RBFOX1: variants seen among roughly 807,000 people sequenced by gnomAD.
The protein encoded by RBFOX1 is RNA binding protein fox-1 homolog 1.
Under a neutral mutation model 57.7 loss-of-function variants are expected in RBFOX1, and 8 were observed. The observed-to-expected ratio is 0.14, with a 90% CI of 0.08 to 0.25. The LOEUF is 0.25. Among genes scored for constraint, RBFOX1 ranks in the 10% least tolerant of loss-of-function variants. The pLI is 1.00. For missense variants in RBFOX1, 611 were observed against 548.5 expected, an observed-to-expected ratio of 1.11 and a Z score of -1.14; for synonymous variants, 326 against 222.4, an observed-to-expected ratio of 1.47 and a Z score of -4.15.
intron 4 of RBFOX1, among the ~76,000 whole-genome samples, chr16:7,413,999 C>T (rs2098455682): frequency 6.6e-6 from 1 of 152,198 alleles, no homozygotes; most frequent in African/African-American, 2.4e-5. Context: ...CTATCATCAC[C>T]TCCTGCAGAG....
rs143262849 is a variant in RBFOX1 at position 6,957,395 on chromosome 16, C to G, written c.-15-94662C>G. Among the ~76,000 whole-genome samples, 329 of 147,396 alleles carry G rather than the reference C, an allele frequency of 2.2e-3. 2 individuals are homozygous for G. The highest frequency in any genetic ancestry group is 8.5e-3 in the African/African-American group (315 of 37,020). ...ATCTGCCTCCCAATGTGCTGCGACT[C>G]ACGCTCAGCCGGTTATTTCTTCATG... On this transcript the variant is annotated intron_variant, in intron 3 of 15. Coordinates refer to ENST00000550418, the MANE Select transcript of RBFOX1 (RefSeq NM_018723.4).
intron 3 of RBFOX1, among the ~76,000 whole-genome samples, chr16:6,966,869 A>G (rs1337424474): frequency 1.3e-5 from 2 of 149,216 alleles, no homozygotes; most frequent in Non-Finnish European, 3.0e-5. Context: ...ACATCCATCT[A>G]TCCATGTATC....
At position 6,040,406 on chromosome 16, in the gene RBFOX1, T is replaced by C. The variant is rs542199487; in HGVS notation, c.-127+20414T>C. The stretch of plus-strand genomic sequence containing the variant: ...CTGGCAACCAACATTCTACTTTCTG[T>C]GTTTATGATTTTAACTACTCTTAAG... On this transcript the variant is annotated intron_variant, in intron 1 of 15. Coordinates refer to ENST00000550418, the MANE Select transcript of RBFOX1 (RefSeq NM_018723.4). 5.3e-5 allele frequency among the ~76,000 whole-genome samples: 8 copies of C among 152,304 alleles called. No homozygotes were observed. In the South Asian group the frequency reaches 1.0e-3, roughly 20 times the overall value.
intron 3 of RBFOX1, among the ~76,000 whole-genome samples, chr16:5,867,117 A>T (rs2057359943): frequency 6.6e-6 from 1 of 151,604 alleles, no homozygotes; most frequent in African/African-American, 2.4e-5. Context: ...TGGATAAACA[A>T]ATCATGTTGC....
At chr16:6,870,995 G>C (rs866995646) in intron 3 of RBFOX1, among the ~76,000 whole-genome samples, 10 of 152,200 alleles carry the variant, frequency 6.6e-5, no homozygotes, top group African/African-American at 2.2e-4. Flanking sequence ...CCACTATCCA[G>C]TGAATAACAG....
chr16:7,325,416 T>C (rs2096598445), intron 4 of RBFOX1, among the ~76,000 whole-genome samples: 1 of 152,202 alleles, frequency 6.6e-6, no homozygotes, highest in South Asian at 2.1e-4. Flanking sequence ...CTATGGTGCT[T>C]GCAACAAGGG....
At chr16:6,068,822 G>C (rs1596957992) in intron 1 of RBFOX1, among the ~76,000 whole-genome samples, 1 of 152,118 alleles carries the variant, frequency 6.6e-6, no homozygotes, top group Non-Finnish European at 1.5e-5. Context: ...ATATTTCCCA[G>C]GCCTTCTCCC....
At chr16:5,953,006 T>C (rs1337455989) in intron 4 of RBFOX1, among the ~76,000 whole-genome samples, 1 of 151,750 alleles carries the variant, frequency 6.6e-6, no homozygotes, top group East Asian at 1.9e-4. Flanking sequence ...GGAAATACAA[T>C]GGCAGCAGTT....
At chr16:6,088,904 C>T (rs35538490) in intron 1 of RBFOX1, among the ~76,000 whole-genome samples, 18 of 151,576 alleles carry the variant, frequency 1.2e-4, no homozygotes, top group African/African-American at 4.1e-4. Flanking sequence ...ATACCATCCT[C>T]GCTAACACAG....
chr16:6,878,346 C>T (rs2062231004), intron 3 of RBFOX1, among the ~76,000 whole-genome samples: 1 of 152,070 alleles, frequency 6.6e-6, no homozygotes, highest in African/African-American at 2.4e-5. Context: ...ATTGCTGATG[C>T]AAGAGTTTCT....
At chr16:5,731,894 A>G (rs2052386688) in intron 3 of RBFOX1, among the ~76,000 whole-genome samples, 1 of 152,180 alleles carries the variant, frequency 6.6e-6, no homozygotes, top group Non-Finnish European at 1.5e-5. Context: ...TAGCCTCTCA[A>G]TCAGTAGCCT....
chr16:6,804,984 C>G (rs971534066), intron 3 of RBFOX1, among the ~76,000 whole-genome samples: 10 of 152,276 alleles, frequency 6.6e-5, no homozygotes, highest in Middle Eastern at 6.8e-3. Flanking sequence ...CTGTGAAAGG[C>G]AATTCATCAA....
At chr16:7,169,932 G>C (rs762988826) in intron 4 of RBFOX1, among the ~76,000 whole-genome samples, 7 of 152,078 alleles carry the variant, frequency 4.6e-5, no homozygotes, top group Non-Finnish European at 8.8e-5. Flanking sequence ...AAATAGCTGG[G>C]CATGGTGACA....
intron 2 of RBFOX1, among the ~76,000 whole-genome samples, chr16:6,353,209 C>T (rs1379861120): frequency 1.3e-5 from 2 of 152,118 alleles, no homozygotes; most frequent in Non-Finnish European, 2.9e-5. Context: ...CATTGAAGGA[C>T]AATGGGAAAT....
intron 3 of RBFOX1, among the ~76,000 whole-genome samples, chr16:6,732,212 T>G (rs2068796058): frequency 6.6e-6 from 1 of 152,238 alleles, no homozygotes; most frequent in South Asian, 2.1e-4. Flanking sequence ...CAGTTGCTGC[T>G]TCTCTGCAGC....
intron 2 of RBFOX1, among the ~76,000 whole-genome samples, chr16:6,478,831 C>A (rs1003008698): frequency 6.6e-6 from 1 of 151,854 alleles, no homozygotes; most frequent in Non-Finnish European, 1.5e-5. Context: ...TTTTGGCACC[C>A]CAAAACAATT....
intron 3 of RBFOX1, among the ~76,000 whole-genome samples, chr16:6,940,137 A>C (rs910700166): frequency 2.0e-5 from 3 of 152,162 alleles, no homozygotes; most frequent in African/African-American, 7.2e-5. Flanking sequence ...GGTTGCAGTG[A>C]GCCAAGATCA....
intron 1 of RBFOX1, among the ~76,000 whole-genome samples, chr16:6,060,479 C>G (rs372685885): frequency 6.9e-4 from 105 of 152,220 alleles, no homozygotes; most frequent in South Asian, 3.3e-3. Flanking sequence ...CCTTATGAGA[C>G]CTGCTCTCCT....
At chr16:6,742,760 C>A (rs1348251102) in intron 3 of RBFOX1, among the ~76,000 whole-genome samples, 2 of 152,064 alleles carry the variant, frequency 1.3e-5, no homozygotes, top group Non-Finnish European at 2.9e-5. Flanking sequence ...TATACAATGT[C>A]ATTTATATAA....
Sources: gnomAD v4.1 joint callset for allele counts (sites outside exome capture counted in the v4.1 genomes callset) on GRCh38, gnomAD v4.1.1 for gene constraint, MANE v1.5 for transcripts, NCBI Gene and HGNC (gene_info 2026-07-23, HGNC 2026-07-21) for gene names.